Variants in PMEPA1 observed in about 807,000 individuals in gnomAD.
PMEPA1 encodes the protein prostate transmembrane protein, androgen induced 1.
Under a neutral mutation model 23.0 loss-of-function variants are expected in PMEPA1, and 11 were observed. The observed-to-expected ratio is 0.48, with a 90% CI of 0.30 to 0.79. The LOEUF (loss-of-function observed/expected upper bound fraction) is 0.79. Ranked by LOEUF, PMEPA1 falls within the 30% of genes least tolerant of loss-of-function variation. The pLI is 0.06. For synonymous variants in PMEPA1, 204 were observed against 166.4 expected, an observed-to-expected ratio of 1.23 and a Z score of -1.74; for missense variants, 377 against 390.9, an observed-to-expected ratio of 0.96 and a Z score of 0.30.
At chr20:57,695,298 G>A (rs1385334148) in intron 1 of PMEPA1, among the ~76,000 whole-genome samples, 1 of 152,278 alleles carries the variant, frequency 6.6e-6, no homozygotes, top group Non-Finnish European at 1.5e-5. Flanking sequence ...CCCCAGAGCT[G>A]CTGGAGTCTG....
intron 1 of PMEPA1, among the ~76,000 whole-genome samples, chr20:57,680,496 T>C (rs1338209827): frequency 6.6e-6 from 1 of 152,202 alleles, no homozygotes; most frequent in African/African-American, 2.4e-5. Flanking sequence ...CAGAAAAGAA[T>C]TATTGAGCCC....
At chr20:57,688,594 T>A (rs1236647399) in intron 1 of PMEPA1, among the ~76,000 whole-genome samples, 2 of 152,162 alleles carry the variant, frequency 1.3e-5, no homozygotes, top group Admixed American at 6.5e-5. Flanking sequence ...CACCCAGTGG[T>A]CGACCTCACT....
rs528443923 is a variant in PMEPA1 at position 57,693,542 on chromosome 20, C to T, written c.109+15932G>A. Among the ~76,000 whole-genome samples, 22 of 152,352 alleles carry T rather than the reference C, an allele frequency of 1.4e-4. 1 individual carries two copies. The East Asian group carries it at 3.7e-3, about 25-fold the overall frequency. ...GGCCAGCAGGTGGCAGGTGTAACTG[C>T]AAGGCCTGGGGCTGGGACACACCTG... On this transcript the variant is annotated intron_variant, in intron 1 of 3. Coordinates refer to ENST00000341744, the MANE Select transcript of PMEPA1 (RefSeq NM_020182.5).
intron 1 of PMEPA1, among the ~76,000 whole-genome samples, chr20:57,666,360 T>A (rs955151679): frequency 6.6e-6 from 1 of 152,120 alleles, no homozygotes; most frequent in African/African-American, 2.4e-5. Context: ...GAACCCTTTA[T>A]GCACATCATC....
intron 1 of PMEPA1, among the ~76,000 whole-genome samples, chr20:57,678,317 T>G (rs901522276): frequency 5.9e-5 from 9 of 152,262 alleles, no homozygotes; most frequent in African/African-American, 2.2e-4. Context: ...AGAACCTCTC[T>G]GTATTATTTT....
At position 57,648,936 on chromosome 20, in the gene PMEPA1, CT is replaced by C. The variant is rs1212006848; in HGVS notation, c.*3116del. On this transcript the variant is annotated 3_prime_UTR_variant, in exon 4 of 4. Transcript: ENST00000341744. Reference sequence around the variant, plus strand: ...CTGATTTTTGCTACATATGGGGTCCCTTTTCATTCTTTGCAAAAACACTGGG... The same window carrying C: ...CTGATTTTTGCTACATATGGGGTCCCTTTCATTCTTTGCAAAAACACTGGG... 2.6e-5 allele frequency: 4 copies of C among 152,178 alleles called. No individual in the cohort carries two copies. The highest frequency in any genetic ancestry group is 5.9e-5 in the Non-Finnish European group (4 of 68,048). The allele number at this position is 152,178 out of a possible 1,614,324, so 9.4% of individuals were successfully genotyped here.
chr20:57,709,997 G>A lies in PMEPA1; in HGVS notation c.-415C>T. 5.0e-6 allele frequency: 5 copies of A among 992,078 alleles called. No individual in the cohort carries two copies. The highest frequency in any genetic ancestry group is 6.0e-6 in the Non-Finnish European group (5 of 834,408). The allele number at this position is 992,078 out of a possible 1,614,324, so 61.5% of individuals were successfully genotyped here. On this transcript the variant is annotated 5_prime_UTR_variant, in exon 1 of 4. Transcript: ENST00000341744. ...GTTTCGCTCCGAGACCGCGGTCGGA[G>A]GCAGGCAGACGGTCTGACGTCAGCG...
At chr20:57,693,635 A>C (rs963672774) in intron 1 of PMEPA1, among the ~76,000 whole-genome samples, 4 of 152,250 alleles carry the variant, frequency 2.6e-5, no homozygotes, top group Non-Finnish European at 4.4e-5. Flanking sequence ...GAGGAGGCTA[A>C]ATAATAAGTC....
chr20:57,663,389 G>A (rs2071449423), intron 1 of PMEPA1, among the ~76,000 whole-genome samples: 1 of 152,156 alleles, frequency 6.6e-6, no homozygotes, highest in Non-Finnish European at 1.5e-5. Flanking sequence ...CCCTCTCTGA[G>A]TCCATCGCAG....
In PMEPA1 at chr20:57,650,586, A is replaced by T. The variant is rs2071211551; in HGVS notation, c.*1467T>A. 6.6e-6 allele frequency: 1 copy of T among 152,284 alleles called. No homozygotes were observed. The highest frequency in any genetic ancestry group is 1.9e-4 in the East Asian group (1 of 5,194). 9.4% of individuals were successfully genotyped at this position (152,284 alleles called of 1,614,324 possible). A position where few individuals can be genotyped will look rare whatever the true frequency, so the allele number is the denominator to read the frequency against. Reference sequence around the variant, plus strand: ...AAGAGAGATGTAAATGAAAACACAGATCAACAGACACACCAGAAGGGAAGC... The same window carrying T: ...AAGAGAGATGTAAATGAAAACACAGTTCAACAGACACACCAGAAGGGAAGC... On this transcript the variant is annotated 3_prime_UTR_variant, in exon 4 of 4. Coordinates refer to ENST00000341744, the MANE Select transcript of PMEPA1 (RefSeq NM_020182.5).
At chr20:57,699,806 G>A (rs1243290635) in intron 1 of PMEPA1, among the ~76,000 whole-genome samples, 13 of 152,216 alleles carry the variant, frequency 8.5e-5, no homozygotes, top group Admixed American at 3.3e-4. Context: ...CTGGGAGAAG[G>A]TCAGGCTCAC....
chr20:57,706,357 G>C (rs2072087905), intron 1 of PMEPA1, among the ~76,000 whole-genome samples: 1 of 152,166 alleles, frequency 6.6e-6, no homozygotes, highest in Non-Finnish European at 1.5e-5. Context: ...GGAAAACCAG[G>C]TGCCAGGAGT....
chr20:57,648,896 G>A lies in PMEPA1; in HGVS notation c.*3157C>T, dbSNP rs570406172. 13 of 152,258 alleles carry A rather than the reference G, an allele frequency of 8.5e-5. No homozygotes were observed. Among genetic ancestry groups the A allele is most frequent in the South Asian group, 2.1e-4 (1 of 4,822 alleles). 9.4% of individuals were successfully genotyped at this position (152,258 alleles called of 1,614,324 possible). The stretch of plus-strand genomic sequence containing the variant: ...ACCAATGAGGACAGGGAATGAACCC[G>A]GCTCTCCCCCAGCCCTGATTTTTGC... On this transcript the variant is annotated 3_prime_UTR_variant, in exon 4 of 4. Coordinates refer to ENST00000341744, the MANE Select transcript of PMEPA1 (RefSeq NM_020182.5).
intron 1 of PMEPA1, among the ~76,000 whole-genome samples, chr20:57,701,062 A>G (rs1017547152): frequency 6.6e-6 from 1 of 151,110 alleles, no homozygotes; most frequent in African/African-American, 2.5e-5. Flanking sequence ...AAAAGAAGAC[A>G]TCAAAAAAAA....
chr20:57,701,199 G>A (rs2072006380), intron 1 of PMEPA1, among the ~76,000 whole-genome samples: 1 of 152,098 alleles, frequency 6.6e-6, no homozygotes, highest in African/African-American at 2.4e-5. Flanking sequence ...ATATTAGAAT[G>A]TGCTGGAGCA....
chr20:57,668,926 T>A (rs73302956), intron 1 of PMEPA1, among the ~76,000 whole-genome samples: 2,405 of 152,178 alleles, frequency 0.016, 61 homozygotes, highest in African/African-American at 0.055. Context: ...CCCTCTGCCC[T>A]CCAGCCTCCA....
chr20:57,664,796 G>A (rs1279960717), intron 1 of PMEPA1, among the ~76,000 whole-genome samples: 2 of 152,222 alleles, frequency 1.3e-5, no homozygotes, highest in African/African-American at 4.8e-5. Flanking sequence ...CCTCATTTAA[G>A]AGTTTTAAAA....
chr20:57,653,758 C>A (rs1169433101), intron 2 of PMEPA1, among the ~76,000 whole-genome samples: 1 of 152,248 alleles, frequency 6.6e-6, no homozygotes, highest in Non-Finnish European at 1.5e-5. Context: ...CGGCCCGCTG[C>A]TGTCCACTTT....
At position 57,648,705 on chromosome 20, in the gene PMEPA1, C is replaced by T. The variant is rs951645434; in HGVS notation, c.*3348G>A. On this transcript the variant is annotated 3_prime_UTR_variant, in exon 4 of 4. Coordinates refer to ENST00000341744, the MANE Select transcript of PMEPA1 (RefSeq NM_020182.5). The stretch of plus-strand genomic sequence containing the variant: ...AATCAGGCAGGCAGGGGAGGACGGG[C>T]TGTGTCCTTCTGAGCTCTATAGTAC... 4 of 152,238 alleles carry T rather than the reference C, an allele frequency of 2.6e-5. No individual in the cohort carries two copies. The highest frequency in any genetic ancestry group is 4.4e-5 in the Non-Finnish European group (3 of 68,052). The allele number at this position is 152,238 out of a possible 1,614,324, so 9.4% of individuals were successfully genotyped here. A position where few individuals can be genotyped will look rare whatever the true frequency, so the allele number is the denominator to read the frequency against.
Sources: gnomAD v4.1 joint callset for allele counts (sites outside exome capture counted in the v4.1 genomes callset) on GRCh38, gnomAD v4.1.1 for gene constraint, MANE v1.5 for transcripts, NCBI Gene and HGNC (gene_info 2026-07-23, HGNC 2026-07-21) for gene names.